Variants in ZFYVE28 observed in about 807,000 individuals in gnomAD.
The protein encoded by ZFYVE28 is zinc finger FYVE-type containing 28.
In ZFYVE28, 40 loss-of-function variants were observed where a neutral mutation model predicts 82.1. That is an observed-to-expected ratio of 0.49 (90% CI 0.38 to 0.63). The LOEUF is 0.63. ZFYVE28 is among the 30% of genes least tolerant of loss of function. The probability of loss-of-function intolerance (pLI) is 0.00; values close to 1 mark genes in which losing one functional copy is unlikely to be tolerated. For missense variants in ZFYVE28, 1,321 were observed against 1,242.1 expected, an observed-to-expected ratio of 1.06 and a Z score of -0.96; for synonymous variants, 612 against 546.1, an observed-to-expected ratio of 1.12 and a Z score of -1.68.
chr4:2,399,626 G>C (rs1459733469), intron 1 of ZFYVE28, among the ~76,000 whole-genome samples: 1 of 152,226 alleles, frequency 6.6e-6, no homozygotes, highest in African/African-American at 2.4e-5. Context: ...TGCCCGTTTT[G>C]AGAGGGTCAG....
Position 2,372,913 on chromosome 4 carries a change from C to T in ZFYVE28, c.40-18840G>A, listed in dbSNP as rs562736406. On this transcript the variant is annotated intron_variant, in intron 1 of 12. Transcript: ENST00000290974. The surrounding 1 kb of genome is among the most constrained non-coding windows in gnomAD (Gnocchi z 5.2). ...ACCCCCAGCCTCTCTGCCAGCCAAC[C>T]TTGGACGACTAGGGAGGGAAAAACC... is the stretch of plus-strand genomic sequence containing the variant. 6.6e-6 allele frequency among the ~76,000 whole-genome samples: 1 copy of T among 152,126 alleles called. No homozygotes were observed. Among genetic ancestry groups the T allele is most frequent in the Non-Finnish European group, 1.5e-5 (1 of 68,004 alleles).
intron 1 of ZFYVE28, among the ~76,000 whole-genome samples, chr4:2,361,422 G>A (rs4974678): frequency 0.1 from 15,616 of 152,140 alleles, 886 homozygotes; most frequent in East Asian, 0.12. Context: ...AGAGAGACGC[G>A]GTGCGCACGT....
In ZFYVE28 at chr4:2,340,533, G is replaced by A. The variant is rs576484960; in HGVS notation, c.319-878C>T. ...CATTTCCCAGGTGACAGAATGAGAC[G>A]GCGCTGATCGCCCAGGCCCAAGCTG... On this transcript the variant is annotated intron_variant, in intron 3 of 12. Coordinates refer to ENST00000290974, the MANE Select transcript of ZFYVE28 (RefSeq NM_020972.3). Among the ~76,000 whole-genome samples, 8 of 152,312 alleles carry A rather than the reference G, an allele frequency of 5.3e-5. No homozygotes were observed. In the South Asian group the frequency reaches 6.2e-4, roughly 12 times the overall value.
chr4:2,347,473 C>T (rs898531755), intron 2 of ZFYVE28, among the ~76,000 whole-genome samples: 9 of 152,116 alleles, frequency 5.9e-5, no homozygotes, highest in African/African-American at 9.7e-5. Context: ...ACATGATTCC[C>T]GATTGTATAT....
chr4:2,298,358 T>C (rs1714975827), intron 8 of ZFYVE28, among the ~76,000 whole-genome samples: 2 of 152,162 alleles, frequency 1.3e-5, no homozygotes, highest in South Asian at 4.1e-4. Context: ...GTTTTGCATA[T>C]GACAAAACTG....
intron 1 of ZFYVE28, among the ~76,000 whole-genome samples, chr4:2,355,229 T>C (rs1348033176): frequency 6.5e-5 from 1 of 15,478 alleles, no homozygotes; most frequent in Non-Finnish European, 1.2e-4. Flanking sequence ...TATATATATA[T>C]ATATATATAT....
rs142803387 is a variant in ZFYVE28 at position 2,270,809 on chromosome 4, G to A, written c.2580C>T (p.Tyr860=). 63 of 1,612,934 alleles carry A rather than the reference G, an allele frequency of 3.9e-5. No individual in the cohort carries two copies. The highest frequency in any genetic ancestry group is 1.6e-4 in the Middle Eastern group (1 of 6,082). Reference sequence around the variant, plus strand: ...ACACTCGGACCGGCTTCACCTGCCCGTAGCGGGGCAGCGGTGCTGAGTGCG... The same window carrying A: ...ACACTCGGACCGGCTTCACCTGCCCATAGCGGGGCAGCGGTGCTGAGTGCG... ...CSSHSAPLPR[Y]GQVKPVRVCT... Residue 860 remains tyrosine, a synonymous_variant, in exon 13 of 13, where the codon TAC becomes TAT. Transcript: ENST00000290974.
rs756892893 is a variant in ZFYVE28, at chr4:2,271,326, G to A, written c.2517C>T (p.Cys839=). Residue 839 remains cysteine, a synonymous_variant, in exon 12 of 13, where the codon TGC becomes TGT. Transcript: ENST00000290974. ...TCTCACCCACCTTCCCACAGCTGCG[G>A]CAGTGGTGCTTCCGGCGGATGACGG... ...PFTVIRRKHH[C]RSCGKIFCSR... is the part of the protein sequence containing the mutation. 6.2e-7 allele frequency: 1 copy of A among 1,612,850 alleles called. No individual in the cohort carries two copies.
chr4:2,273,832 C>A (rs899417370), intron 9 of ZFYVE28, among the ~76,000 whole-genome samples: 6 of 152,166 alleles, frequency 3.9e-5, no homozygotes, highest in Non-Finnish European at 8.8e-5. Context: ...CGCCGCCACT[C>A]CCTGGAGGAA....
At chr4:2,302,082 G>A (rs1408505980) in intron 8 of ZFYVE28, among the ~76,000 whole-genome samples, 1 of 152,244 alleles carries the variant, frequency 6.6e-6, no homozygotes, top group Non-Finnish European at 1.5e-5. Flanking sequence ...CAGAAGGCCA[G>A]GAGAGCGAGG....
Position 2,320,377 on chromosome 4 carries a change from C to A in ZFYVE28, c.702-106G>T. ...GAAAACCACGCCCGCTGGGACTCTG[C>A]AGCGCCACTGTCCCAGCACGGCCGC... On this transcript the variant is annotated intron_variant, in intron 6 of 12. Coordinates refer to ENST00000290974, the MANE Select transcript of ZFYVE28 (RefSeq NM_020972.3). The surrounding 1 kb of genome is among the most constrained non-coding windows in gnomAD (Gnocchi z 5.1). 1.1e-6 allele frequency: 1 copy of A among 894,078 alleles called. No individual in the cohort carries two copies. Among genetic ancestry groups the A allele is most frequent in the Non-Finnish European group, 1.7e-6 (1 of 573,318 alleles). The allele number at this position is 894,078 out of a possible 1,614,324, so 55.4% of individuals were successfully genotyped here.
chr4:2,379,538 C>T (rs529192715), intron 1 of ZFYVE28, among the ~76,000 whole-genome samples: 7 of 152,278 alleles, frequency 4.6e-5, no homozygotes, highest in African/African-American at 1.2e-4. Context: ...CACTCCTGGA[C>T]GACAAATCGC....
intron 4 of ZFYVE28, 46 bp from the exon 5 acceptor site, chr4:2,337,542 G>A: frequency 6.6e-7 from 1 of 1,518,494 alleles, no homozygotes; most frequent in Admixed American, 2.0e-5. Flanking sequence ...GGCTGTGGCG[G>A]GGCCCCTCCA....
intron 1 of ZFYVE28, among the ~76,000 whole-genome samples, chr4:2,355,550 G>T (rs1725191787): frequency 6.7e-6 from 1 of 150,310 alleles, no homozygotes; most frequent in Admixed American, 6.7e-5. Context: ...AAAGTGCTGG[G>T]ATTACAGGCC....
chr4:2,391,312 G>C (rs1459250527), intron 1 of ZFYVE28, among the ~76,000 whole-genome samples: 2 of 151,904 alleles, frequency 1.3e-5, no homozygotes, highest in African/African-American at 4.8e-5. Flanking sequence ...CTCCCAACCC[G>C]CGCTCATGTG....
intron 1 of ZFYVE28, among the ~76,000 whole-genome samples, chr4:2,415,102 T>A (rs1249917978): frequency 6.6e-6 from 1 of 152,202 alleles, no homozygotes; most frequent in African/African-American, 2.4e-5. Flanking sequence ...AATAGAAATA[T>A]AATTTGCAAA....
At chr4:2,290,303 G>T (rs551731443) in intron 8 of ZFYVE28, among the ~76,000 whole-genome samples, 50 of 152,192 alleles carry the variant, frequency 3.3e-4, no homozygotes, top group Non-Finnish European at 6.3e-4. Flanking sequence ...AGGAGCTGGG[G>T]TCTCCTCAGC....
At chr4:2,321,516 G>A (rs1719069148) in intron 6 of ZFYVE28, among the ~76,000 whole-genome samples, 1 of 152,102 alleles carries the variant, frequency 6.6e-6, no homozygotes. Context: ...CTGTGGGTGA[G>A]GGGACAGCAC....
At chr4:2,377,923 G>C (rs1287661335) in intron 1 of ZFYVE28, among the ~76,000 whole-genome samples, 1 of 152,230 alleles carries the variant, frequency 6.6e-6, no homozygotes, top group Non-Finnish European at 1.5e-5. Flanking sequence ...ACATGGTAGA[G>C]CCTGTTGCTC....
Sources: gnomAD v4.1 joint callset for allele counts (sites outside exome capture counted in the v4.1 genomes callset) on GRCh38, gnomAD v4.1.1 for gene constraint, Gnocchi (gnomAD v3.1) non-coding constraint, MANE v1.5 for transcripts, NCBI Gene and HGNC (gene_info 2026-07-23, HGNC 2026-07-21) for gene names.